The following MCTP2 variants were observed in gnomAD, a reference collection of about 807,000 sequenced individuals.
The protein encoded by MCTP2 is multiple C2 and transmembrane domain containing 2.
A neutral mutation model predicts 111.6 loss-of-function variants in MCTP2; 132 were observed. That is an observed-to-expected ratio of 1.18 (90% CI 1.03 to 1.37). The LOEUF is 1.37. Ranked by LOEUF, MCTP2 falls within the 40% of genes most tolerant of loss-of-function variation. MCTP2 has a pLI of 0.00. For synonymous variants in MCTP2, 395 were observed against 387.7 expected (o/e 1.02, Z -0.22); for missense variants, 1,183 against 1,067.9 (o/e 1.11, Z -1.50).
chr15:94,329,107 A>G (rs1419675306), intron 4 of MCTP2, among the ~76,000 whole-genome samples: 2 of 152,148 alleles, frequency 1.3e-5, no homozygotes, highest in Admixed American at 1.3e-4. Flanking sequence ...ACTGCACCAC[A>G]GTGGTTGAAG....
At position 94,443,981 on chromosome 15, in the gene MCTP2, C is replaced by CAAAAAAAAA. The variant is rs58768404; in HGVS notation, c.2250+1038_2250+1046dup. 4.6e-3 allele frequency among the ~76,000 whole-genome samples: 318 copies of CAAAAAAAAA among 69,416 alleles called. 37 individuals carry two copies. The highest frequency in any genetic ancestry group is 0.019 in the African/African-American group (302 of 16,170). 45.5% of individuals were successfully genotyped at this position (69,416 alleles called of 152,430 possible). A position where few individuals can be genotyped will look rare whatever the true frequency, so the allele number is the denominator to read the frequency against. On this transcript the variant is annotated intron_variant, in intron 19 of 22. Coordinates refer to ENST00000357742, the MANE Select transcript of MCTP2 (RefSeq NM_001385001.1). ...TAAGGTTTATAATGGGATATTTTAC[C>CAAAAAAAAA]AAAAAAAAAAAAAAAAAAAAAAAAA...
intron 1 of MCTP2, among the ~76,000 whole-genome samples, chr15:94,265,981 A>G (rs2073499542): frequency 6.6e-6 from 1 of 152,234 alleles, no homozygotes; most frequent in Admixed American, 6.5e-5. Context: ...TCTTCAGTCC[A>G]TAGTTGCTTT....
In MCTP2 at chr15:94,470,446, A is replaced by G; in HGVS notation, c.2470+4A>G. ...CGGTACATCATTTTAATCTGGGGTA[A>G]GTTTGGAATGGTCCTTTTGCTAGCA... is the stretch of plus-strand genomic sequence containing the variant. On this transcript the variant is annotated splice_donor_region_variant and intron_variant, in intron 21 of 22. Coordinates refer to ENST00000357742, the MANE Select transcript of MCTP2 (RefSeq NM_001385001.1). 1 of 1,573,456 alleles carries G rather than the reference A, an allele frequency of 6.4e-7. No individual in the cohort carries two copies. The highest frequency in any genetic ancestry group is 1.1e-5 in the South Asian group (1 of 90,274).
intron 8 of MCTP2, among the ~76,000 whole-genome samples, chr15:94,355,251 A>T (rs1163777548): frequency 2.0e-5 from 3 of 152,266 alleles, no homozygotes; most frequent in Non-Finnish European, 4.4e-5. Flanking sequence ...TTGCTTTAAG[A>T]TATTTCAACC....
chr15:94,236,377 CTTTTTTTTTTTTTTTT>C (rs71132992), intron 1 of MCTP2, among the ~76,000 whole-genome samples: 80 of 72,518 alleles, frequency 1.1e-3, no homozygotes, highest in African/African-American at 4.0e-3. Flanking sequence ...TCTTTTTTTT[CTTTTTTTTTTTTTTTT>C]TTTTTTTTTT....
At chr15:94,331,143 GAC>G (rs1450671780) in intron 4 of MCTP2, among the ~76,000 whole-genome samples, 1 of 152,120 alleles carries the variant, frequency 6.6e-6, no homozygotes, top group Non-Finnish European at 1.5e-5. Context: ...TTAATATATT[GAC>G]AGTGTTTTTC....
At chr15:94,444,997 A>G (rs982376700) in intron 19 of MCTP2, among the ~76,000 whole-genome samples, 10 of 152,218 alleles carry the variant, frequency 6.6e-5, no homozygotes, top group Non-Finnish European at 1.2e-4. Context: ...AAATCAGGTC[A>G]TAGTCTAGAC....
Position 94,347,300 on chromosome 15 carries a change from C to G in MCTP2, c.1005+2136C>G, listed in dbSNP as rs187898358. ...ATCAGGTTCTATTTTAGGATTTCCA[C>G]ATTGTATTTAATATTATGTAATAAT... On this transcript the variant is annotated intron_variant, in intron 8 of 22. Transcript: ENST00000357742. 1.8e-3 allele frequency among the ~76,000 whole-genome samples: 275 copies of G among 152,194 alleles called. 1 individual carries two copies. Among genetic ancestry groups the G allele is most frequent in the African/African-American group, 5.8e-3 (240 of 41,534 alleles).
chr15:94,383,909 A>C (rs930065572), intron 12 of MCTP2, 113 bp from the exon 13 acceptor site: 19 of 726,236 alleles, frequency 2.6e-5, no homozygotes, highest in Non-Finnish European at 4.3e-5. Flanking sequence ...TTGGAAAAGC[A>C]GTCTTGCCTT....
intron 1 of MCTP2, among the ~76,000 whole-genome samples, chr15:94,275,594 A>G (rs1024808557): frequency 2.0e-5 from 3 of 152,098 alleles, no homozygotes; most frequent in Admixed American, 6.5e-5. Context: ...GTGCATCTGT[A>G]GACCACAAAA....
chr15:94,443,045 CTCT>C lies in MCTP2; in HGVS notation c.2250+87_2250+89del, dbSNP rs1285432230. The C allele has an allele frequency of 4.5e-3, 3,796 of 849,400 alleles. 93 individuals carry two copies. In the African/African-American group the frequency reaches 0.071, roughly 16 times the overall value. 52.6% of individuals were successfully genotyped at this position (849,400 alleles called of 1,614,324 possible). ...TTCCTTCAGGTTGAGTCTCTCTCCT[CTCT>C]TTTTTTTTTTTTTTTTAATATGATA... is the stretch of plus-strand genomic sequence containing the variant. On this transcript the variant is annotated intron_variant, in intron 19 of 22. Transcript: ENST00000357742.
chr15:94,458,219 T>C lies in MCTP2; in HGVS notation c.2333T>C (p.Ile778Thr), dbSNP rs1416690366. Residue 778 changes from isoleucine to threonine, a missense_variant, in exon 20 of 23, where the codon ATA becomes ACA. By Grantham distance (89) the Ile-to-Thr change is moderately conservative (BLOSUM62 -1). Coordinates refer to ENST00000357742, the MANE Select transcript of MCTP2 (RefSeq NM_001385001.1). ...ACTGTTCAAAACGTCTTGGAGGAAA[T>C]AGCTTCTTTTGGAGAAAGGATTAAG... The part of the protein sequence containing the change: ...VSTVQNVLEE[I>T]ASFGERIKNT... 1 of 1,608,784 alleles carries C rather than the reference T, an allele frequency of 6.2e-7. No individual in the cohort carries two copies. Among genetic ancestry groups the C allele is most frequent in the Non-Finnish European group, 8.5e-7 (1 of 1,175,236 alleles).
intron 1 of MCTP2, among the ~76,000 whole-genome samples, chr15:94,293,358 A>G (rs1435176255): frequency 6.6e-6 from 1 of 152,244 alleles, no homozygotes; most frequent in African/African-American, 2.4e-5. Flanking sequence ...ATAACTCAAC[A>G]ATAAGAAAAC....
intron 2 of MCTP2, among the ~76,000 whole-genome samples, chr15:94,308,937 C>T (rs771875733): frequency 4.6e-5 from 7 of 152,196 alleles, no homozygotes; most frequent in Non-Finnish European, 1.0e-4. Flanking sequence ...TATATGGACA[C>T]ACACACACGA....
intron 1 of MCTP2, among the ~76,000 whole-genome samples, chr15:94,267,439 A>G (rs914821347): frequency 1.3e-5 from 2 of 152,154 alleles, no homozygotes; most frequent in Non-Finnish European, 2.9e-5. Context: ...TGGACACATC[A>G]TATTTAAAAA....
chr15:94,466,832 A>G (rs1367886144), intron 20 of MCTP2, among the ~76,000 whole-genome samples: 1 of 151,952 alleles, frequency 6.6e-6, no homozygotes, highest in African/African-American at 2.4e-5. Context: ...TTCTGTTGAT[A>G]TTAGTATTTT....
chr15:94,325,724 A>G (rs2152382441), intron 4 of MCTP2, among the ~76,000 whole-genome samples: 1 of 151,952 alleles, frequency 6.6e-6, no homozygotes, highest in East Asian at 1.9e-4. Context: ...GACCTAGAAA[A>G]TGCCCCTTCA....
chr15:94,244,752 A>C (rs1298675495), intron 1 of MCTP2, among the ~76,000 whole-genome samples: 1 of 149,092 alleles, frequency 6.7e-6, no homozygotes, highest in African/African-American at 2.5e-5. Flanking sequence ...ATACATATGC[A>C]CCTATGTTTA....
At chr15:94,395,602 G>A (rs1258994544) in intron 14 of MCTP2, among the ~76,000 whole-genome samples, 1 of 152,094 alleles carries the variant, frequency 6.6e-6, no homozygotes, top group Non-Finnish European at 1.5e-5. Flanking sequence ...TTATAAAATA[G>A]TTTAGTTTTT....
Sources: gnomAD v4.1 joint callset for allele counts (sites outside exome capture counted in the v4.1 genomes callset) on GRCh38, gnomAD v4.1.1 for gene constraint, MANE v1.5 for transcripts, NCBI Gene and HGNC (gene_info 2026-07-23, HGNC 2026-07-21) for gene names.